The following KATNBL1 variants were observed in gnomAD, a reference collection of about 807,000 sequenced individuals.
KATNBL1 encodes katanin regulatory subunit B1 like 1.
In KATNBL1, 28 loss-of-function variants were observed where a neutral mutation model predicts 44.7. The ratio of observed to expected loss-of-function variants is 0.63; its 90% confidence interval spans 0.46 to 0.86. KATNBL1 has a LOEUF of 0.86. Among genes scored for constraint, KATNBL1 ranks in the 40% least tolerant of loss-of-function variants. The pLI, the probability that KATNBL1 is intolerant of heterozygous loss-of-function variation, is 0.00. For missense variants in KATNBL1, 272 were observed against 350.7 expected (o/e 0.78, Z 1.79); for synonymous variants, 78 against 114.9 (o/e 0.68, Z 2.06).
chr15:34,192,239 C>T (rs963657604), intron 1 of KATNBL1, among the ~76,000 whole-genome samples: 1 of 151,702 alleles, frequency 6.6e-6, no homozygotes, highest in Non-Finnish European at 1.5e-5. Context: ...CCTGTCTCTA[C>T]TAAAAGTACA....
At chr15:34,205,202 C>T (rs1432420376) in intron 1 of KATNBL1, among the ~76,000 whole-genome samples, 1 of 152,036 alleles carries the variant, frequency 6.6e-6, no homozygotes, top group African/African-American at 2.4e-5. Flanking sequence ...CTGTGTTGAC[C>T]AGGATGGTCT....
At chr15:34,142,432 C>A (rs1377510047) in intron 9 of KATNBL1, 61 bp from the exon 10 acceptor site, 3 of 1,506,220 alleles carry the variant, frequency 2.0e-6, no homozygotes, top group Non-Finnish European at 8.9e-7. Flanking sequence ...CATAAACAAT[C>A]CATTTTTTTT....
rs768747135 is a variant in KATNBL1 at position 34,141,399 on chromosome 15, A to C, written c.*940T>G. 4 of 152,654 alleles carry C rather than the reference A, an allele frequency of 2.6e-5. No individual in the cohort carries two copies. The highest frequency in any genetic ancestry group is 5.9e-5 in the Non-Finnish European group (4 of 68,014). The allele number at this position is 152,654 out of a possible 1,614,324, so 9.5% of individuals were successfully genotyped here. A position where few individuals can be genotyped will look rare whatever the true frequency, so the allele number is the denominator to read the frequency against. ...ATCAGAATTTAAAAAAGCAAAAAAT[A>C]GAAATATTTAGTGAATTTACTCAAA... On this transcript the variant is annotated 3_prime_UTR_variant, in exon 10 of 10. Transcript: ENST00000256544.
At chr15:34,184,271 A>C (rs1238387746) in intron 1 of KATNBL1, among the ~76,000 whole-genome samples, 1 of 149,780 alleles carries the variant, frequency 6.7e-6, no homozygotes, top group Non-Finnish European at 1.5e-5. Flanking sequence ...GCGCCACTGC[A>C]GTCCAGCCTG....
At chr15:34,182,326 CG>C (rs1322810702) in intron 1 of KATNBL1, among the ~76,000 whole-genome samples, 2 of 151,994 alleles carry the variant, frequency 1.3e-5, no homozygotes, top group Non-Finnish European at 2.9e-5. Flanking sequence ...TGAGATTACA[CG>C]TAAGTTATTA....
At chr15:34,193,061 CAA>C (rs1187722247) in intron 1 of KATNBL1, among the ~76,000 whole-genome samples, 1 of 150,948 alleles carries the variant, frequency 6.6e-6, no homozygotes, top group Non-Finnish European at 1.5e-5. Context: ...ATTAAAAATA[CAA>C]AAAATTAGCC....
intron 1 of KATNBL1, among the ~76,000 whole-genome samples, chr15:34,191,400 T>C (rs1489158295): frequency 6.6e-6 from 1 of 152,064 alleles, no homozygotes; most frequent in Non-Finnish European, 1.5e-5. Context: ...CTGTAAGTCA[T>C]GTAAACTTGT....
At chr15:34,199,015 A>G (rs1429630100) in intron 1 of KATNBL1, among the ~76,000 whole-genome samples, 1 of 152,220 alleles carries the variant, frequency 6.6e-6, no homozygotes, top group Non-Finnish European at 1.5e-5. Context: ...GGAGGTGAAC[A>G]CTGGAAAAAG....
At chr15:34,180,067 C>T (rs1485967663) in intron 1 of KATNBL1, among the ~76,000 whole-genome samples, 1 of 152,138 alleles carries the variant, frequency 6.6e-6, no homozygotes, top group Non-Finnish European at 1.5e-5. Context: ...ACTTTGCTCC[C>T]ACAAACCCTT....
chr15:34,184,580 T>TC (rs1311787539), intron 1 of KATNBL1, among the ~76,000 whole-genome samples: 1 of 122,762 alleles, frequency 8.1e-6, no homozygotes, highest in African/African-American at 3.0e-5. Flanking sequence ...ATGTTTCTTT[T>TC]TTTTTTTTTT....
chr15:34,173,100 A>G (rs1482032977), intron 1 of KATNBL1, among the ~76,000 whole-genome samples: 2 of 152,012 alleles, frequency 1.3e-5, no homozygotes, highest in Non-Finnish European at 2.9e-5. Context: ...GCTATCTCCC[A>G]GAACATAGGA....
intron 1 of KATNBL1, among the ~76,000 whole-genome samples, chr15:34,197,914 A>AT (rs1890068264): frequency 6.6e-6 from 1 of 151,810 alleles, no homozygotes; most frequent in South Asian, 2.1e-4. Context: ...CACCCACCTA[A>AT]TTTTTTTATT....
intron 1 of KATNBL1, among the ~76,000 whole-genome samples, chr15:34,169,899 T>C (rs1349233267): frequency 6.6e-6 from 1 of 152,184 alleles, no homozygotes; most frequent in Non-Finnish European, 1.5e-5. Flanking sequence ...CCCTTCATGC[T>C]AAAAACTCTC....
At chr15:34,188,500 G>A (rs1889787077) in intron 1 of KATNBL1, among the ~76,000 whole-genome samples, 1 of 152,186 alleles carries the variant, frequency 6.6e-6, no homozygotes, top group African/African-American at 2.4e-5. Context: ...AGGTTGCAGT[G>A]AGTCAAGATT....
intron 1 of KATNBL1, among the ~76,000 whole-genome samples, chr15:34,197,264 G>C (rs73382092): frequency 0.026 from 3,917 of 152,326 alleles, 175 homozygotes; most frequent in African/African-American, 0.09. Flanking sequence ...GAAAAGACTA[G>C]GCAGTATGGT....
chr15:34,189,947 CTTTT>C (rs61022097), intron 1 of KATNBL1, among the ~76,000 whole-genome samples: 1 of 141,932 alleles, frequency 7.0e-6, no homozygotes. Context: ...GAAGTACATT[CTTTT>C]TTTTTTTTTT....
At chr15:34,200,763 G>C (rs1387615536) in intron 1 of KATNBL1, among the ~76,000 whole-genome samples, 1 of 152,152 alleles carries the variant, frequency 6.6e-6, no homozygotes, top group Admixed American at 6.5e-5. Flanking sequence ...AATTACAAAA[G>C]AGATGCCAAG....
chr15:34,157,211 G>A (rs1888663893), intron 2 of KATNBL1, among the ~76,000 whole-genome samples: 1 of 152,220 alleles, frequency 6.6e-6, no homozygotes, highest in African/African-American at 2.4e-5. Context: ...ATGGGGAAAA[G>A]AAGAGATGCA....
At chr15:34,208,921 C>A (rs1029235700) in intron 1 of KATNBL1, 2 of 152,216 alleles carry the variant, frequency 1.3e-5, no homozygotes, top group Non-Finnish European at 2.9e-5. Flanking sequence ...AGCTGTGTAA[C>A]CCTGTACGGT....
Sources: allele counts gnomAD v4.1 joint callset (sites outside exome capture counted in the v4.1 genomes callset), GRCh38; gene constraint gnomAD v4.1.1; transcripts MANE v1.5; gene names NCBI Gene and HGNC (gene_info 2026-07-23, HGNC 2026-07-21).